The following EFCAB11 variants were observed in gnomAD, a reference collection of about 807,000 sequenced individuals.
EFCAB11 encodes EF-hand calcium binding domain 11.
In EFCAB11, 14 loss-of-function variants were observed where a neutral mutation model predicts 23.0. The observed-to-expected ratio is 0.61, with a 90% confidence interval of 0.40 to 0.95. The LOEUF (loss-of-function observed/expected upper bound fraction) is 0.95, where lower values mean the gene tolerates loss of function less well. EFCAB11 is among the 40% of genes least tolerant of loss of function. The pLI is 0.00. For synonymous variants in EFCAB11, 65 were observed against 66.6 expected, an observed-to-expected ratio of 0.98 and a Z score of 0.11; for missense variants, 198 against 195.8, an observed-to-expected ratio of 1.01 and a Z score of -0.07.
At chr14:89,910,257 G>A (rs143046048) in intron 5 of EFCAB11, among the ~76,000 whole-genome samples, 2 of 152,338 alleles carry the variant, frequency 1.3e-5, no homozygotes, top group Non-Finnish European at 2.9e-5. Flanking sequence ...GCCACGTTAA[G>A]TGTGAGGTGA....
chr14:89,811,316 G>C (rs981493682), intron 5 of EFCAB11, among the ~76,000 whole-genome samples: 1 of 152,170 alleles, frequency 6.6e-6, no homozygotes, highest in Non-Finnish European at 1.5e-5. Context: ...GTGATGCAAA[G>C]AGCGATGGGA....
rs1885586536 is a variant in EFCAB11, at chr14:89,796,763, T to C, written c.*480A>G. 1 of 153,160 alleles carries C rather than the reference T, an allele frequency of 6.5e-6. No homozygotes were observed. The highest frequency in any genetic ancestry group is 1.5e-5 in the Non-Finnish European group (1 of 68,700). The allele number at this position is 153,160 out of a possible 1,614,324, so 9.5% of individuals were successfully genotyped here. ...GGAAAAGTCTGCCCCTCTGCAGATA[T>C]TAGGAGATGATGAGATTCAGGGTGG... On this transcript the variant is annotated 3_prime_UTR_variant, in exon 6 of 6. Coordinates refer to ENST00000316738, the MANE Select transcript of EFCAB11 (RefSeq NM_145231.4).
chr14:89,871,692 C>A (rs1888274260), intron 5 of EFCAB11, among the ~76,000 whole-genome samples: 1 of 152,206 alleles, frequency 6.6e-6, no homozygotes, highest in Non-Finnish European at 1.5e-5. Context: ...GTAATTTATA[C>A]CTTTTCTTTA....
Position 89,933,511 on chromosome 14 carries a change from T to C in EFCAB11, c.218-884A>G, listed in dbSNP as rs1484472934. Among the ~76,000 whole-genome samples the C allele has an allele frequency of 2.0e-5, 3 of 152,250 alleles. No homozygotes were observed. In the East Asian group the frequency reaches 5.8e-4, roughly 29 times the overall value. On this transcript the variant is annotated intron_variant, in intron 3 of 5. Coordinates refer to ENST00000316738, the MANE Select transcript of EFCAB11 (RefSeq NM_145231.4). ...ACTAAGCTGTATACCTTTTCTAAAA[T>C]AGTTCCAATCATTTAAAAAAATGTA...
At chr14:89,884,518 A>T (rs1002250482) in intron 5 of EFCAB11, among the ~76,000 whole-genome samples, 1 of 152,208 alleles carries the variant, frequency 6.6e-6, no homozygotes, top group Non-Finnish European at 1.5e-5. Context: ...CTGCTCACAT[A>T]ACTTTTATTT....
intron 5 of EFCAB11, among the ~76,000 whole-genome samples, chr14:89,915,643 C>A (rs1255142783): frequency 6.6e-6 from 1 of 152,018 alleles, no homozygotes; most frequent in Admixed American, 6.5e-5. Flanking sequence ...GCTTTTTCAC[C>A]TGAGAAGAAA....
At chr14:89,949,366 T>C (rs1168486128) in intron 3 of EFCAB11, among the ~76,000 whole-genome samples, 1 of 152,128 alleles carries the variant, frequency 6.6e-6, no homozygotes, top group African/African-American at 2.4e-5. Context: ...ATAGTTTTTA[T>C]TTATTTATTT....
At chr14:89,876,425 C>T (rs564914207) in intron 5 of EFCAB11, among the ~76,000 whole-genome samples, 16 of 152,138 alleles carry the variant, frequency 1.1e-4, no homozygotes, top group African/African-American at 3.6e-4. Flanking sequence ...ATTTGGGTAG[C>T]TGATTAGGAC....
intron 5 of EFCAB11, among the ~76,000 whole-genome samples, chr14:89,823,762 C>T (rs1023556085): frequency 5.3e-5 from 8 of 152,148 alleles, no homozygotes; most frequent in Non-Finnish European, 1.0e-4. Flanking sequence ...CCCAGTGGAA[C>T]TTCTAGAGAT....
intron 5 of EFCAB11, among the ~76,000 whole-genome samples, chr14:89,798,975 G>C (rs12888282): frequency 0.36 from 55,216 of 152,034 alleles, 10,957 homozygotes; most frequent in Middle Eastern, 0.48. Context: ...TTTTGGTAAA[G>C]ATGGGGTTTC....
At chr14:89,941,129 T>C (rs1226423413) in intron 3 of EFCAB11, among the ~76,000 whole-genome samples, 1 of 152,322 alleles carries the variant, frequency 6.6e-6, no homozygotes, top group Non-Finnish European at 1.5e-5. Flanking sequence ...CCATGAGACA[T>C]CACAGAAGAA....
chr14:89,922,522 G>A (rs1890052103), intron 5 of EFCAB11, among the ~76,000 whole-genome samples: 1 of 152,312 alleles, frequency 6.6e-6, no homozygotes, highest in African/African-American at 2.4e-5. Flanking sequence ...CAGAGGCAGA[G>A]CTGGGCCTAG....
intron 5 of EFCAB11, among the ~76,000 whole-genome samples, chr14:89,894,498 A>T (rs1889098730): frequency 7.5e-6 from 1 of 133,156 alleles, no homozygotes; most frequent in Non-Finnish European, 1.5e-5. Context: ...TCAATTCTTG[A>T]TTTTTAAAAA....
At chr14:89,915,755 G>T (rs953775887) in intron 5 of EFCAB11, among the ~76,000 whole-genome samples, 4 of 152,138 alleles carry the variant, frequency 2.6e-5, no homozygotes, top group Non-Finnish European at 4.4e-5. Context: ...AGCAAACACT[G>T]AGAACTACAA....
intron 2 of EFCAB11, 44 bp downstream of exon 2, chr14:89,953,862 C>T: frequency 6.5e-7 from 1 of 1,529,294 alleles, no homozygotes; most frequent in Non-Finnish European, 9.0e-7. Context: ...ATCCATTCAC[C>T]TTTGATCGTC....
chr14:89,841,457 C>G (rs977029462), intron 5 of EFCAB11, among the ~76,000 whole-genome samples: 5 of 151,872 alleles, frequency 3.3e-5, no homozygotes, highest in Admixed American at 2.6e-4. Context: ...CGCCGCACCC[C>G]CAGTCTGCTA....
chr14:89,856,376 G>C (rs1383943819), intron 5 of EFCAB11, among the ~76,000 whole-genome samples: 1 of 151,980 alleles, frequency 6.6e-6, no homozygotes, highest in Non-Finnish European at 1.5e-5. Flanking sequence ...TTTTTGTAGA[G>C]ACAGAGTTTC....
chr14:89,817,011 A>T (rs1298715828), intron 5 of EFCAB11, among the ~76,000 whole-genome samples: 1 of 152,170 alleles, frequency 6.6e-6, no homozygotes, highest in Non-Finnish European at 1.5e-5. Context: ...ACCAAGGTAG[A>T]ATATATCAGT....
intron 5 of EFCAB11, among the ~76,000 whole-genome samples, chr14:89,875,658 G>T (rs1340730005): frequency 2.0e-5 from 3 of 152,180 alleles, no homozygotes; most frequent in African/African-American, 7.2e-5. Flanking sequence ...CAGGTTAAAG[G>T]TAATATAAAC....
Sources: allele counts gnomAD v4.1 joint callset (sites outside exome capture counted in the v4.1 genomes callset), GRCh38; gene constraint gnomAD v4.1.1; transcripts MANE v1.5; gene names NCBI Gene and HGNC (gene_info 2026-07-23, HGNC 2026-07-21).